The following CCDC174 variants were observed in gnomAD, a reference collection of about 807,000 sequenced individuals.
CCDC174 encodes coiled-coil domain containing 174.
CCDC174 carries 37 observed loss-of-function variants against 57.1 expected under a neutral mutation model. That is an observed-to-expected ratio of 0.65 (90% confidence interval 0.50 to 0.85). CCDC174 has a LOEUF of 0.85. Ranked by LOEUF, CCDC174 falls within the 40% of genes least tolerant of loss-of-function variation. The pLI is 0.00. For missense variants in CCDC174, 540 were observed against 574.3 expected (o/e 0.94, Z 0.61); for synonymous variants, 182 against 190.2 (o/e 0.96, Z 0.35).
chr3:14,665,273 T>C, intron 6 of CCDC174, 150 bp downstream of exon 6: 1 of 649,384 alleles, frequency 1.5e-6, no homozygotes, highest in South Asian at 1.8e-5. Flanking sequence ...AAGCACTTTT[T>C]AGTGGTTAGC....
At chr3:14,666,459 C>T (rs1319242544) in intron 6 of CCDC174, among the ~76,000 whole-genome samples, 1 of 151,978 alleles carries the variant, frequency 6.6e-6, no homozygotes, top group African/African-American at 2.4e-5. Context: ...CCTGTCTCTA[C>T]TAAAAATACA....
In CCDC174 at chr3:14,657,625, C is replaced by T. The variant is rs188378554; in HGVS notation, c.249-1246C>T. Among the ~76,000 whole-genome samples, 204 of 152,326 alleles carry T rather than the reference C, an allele frequency of 1.3e-3. 2 individuals carry two copies. The highest frequency in any genetic ancestry group is 3.4e-3 in the Middle Eastern group (1 of 294). On this transcript the variant is annotated intron_variant, in intron 3 of 10. Transcript: ENST00000383794. The stretch of plus-strand genomic sequence containing the variant: ...TGCTACACTGCACCAAGTTTCATAT[C>T]CTTTCTCACGTGCTCTCATCCCTGC...
chr3:14,661,187 C>T (rs941832072), intron 4 of CCDC174, among the ~76,000 whole-genome samples: 3 of 152,198 alleles, frequency 2.0e-5, no homozygotes, highest in Non-Finnish European at 4.4e-5. Context: ...TCTGATGACA[C>T]GGAAAATGCA....
rs2276754 is a variant in CCDC174 at position 14,661,475 on chromosome 3, C to A, written c.308-55C>A. 0.89 allele frequency: 1,324,476 copies of A among 1,492,360 alleles called. 590,471 individuals carry two copies. The highest frequency in any genetic ancestry group is 0.92 in the Middle Eastern group (5,238 of 5,698). The allele number at this position is 1,492,360 out of a possible 1,614,324, so 92.4% of individuals were successfully genotyped here. On this transcript the variant is annotated intron_variant, in intron 4 of 10. Coordinates refer to ENST00000383794, the MANE Select transcript of CCDC174 (RefSeq NM_016474.5). ...GCAATGAATGTGACTGCTTCTTGTC[C>A]ATTCCATGTGTGATTTTCCTTTTTG...
chr3:14,655,586 G>A lies in CCDC174; in HGVS notation c.205G>A (p.Ala69Thr), dbSNP rs747368104. 5.0e-6 allele frequency: 8 copies of A among 1,610,268 alleles called. No homozygotes were observed. The highest frequency in any genetic ancestry group is 6.8e-6 in the Non-Finnish European group (8 of 1,177,940). Residue 69 changes from alanine (A) to threonine (T), a missense_variant, in exon 3 of 11, where the codon GCT (alanine) becomes ACT (threonine). Coordinates refer to ENST00000383794, the MANE Select transcript of CCDC174 (RefSeq NM_016474.5). ...VGVSNRAEKD[A>T]EQKIEEQKTL... ...CGTTTCAAATCGAGCTGAGAAGGAT[G>A]CTGAACAGAAGATTGAAGAACAGAA...
intron 6 of CCDC174, among the ~76,000 whole-genome samples, chr3:14,666,588 A>C (rs1299033701): frequency 1.3e-5 from 2 of 151,534 alleles, no homozygotes; most frequent in East Asian, 3.9e-4. Flanking sequence ...GTGCCACTGC[A>C]CTCCAGCCTG....
chr3:14,666,487 G>T (rs187665667), intron 6 of CCDC174, among the ~76,000 whole-genome samples: 163 of 152,246 alleles, frequency 1.1e-3, no homozygotes, highest in African/African-American at 3.8e-3. Flanking sequence ...GCCAGATGTG[G>T]TGGTGGGTGC....
rs371721837 is a variant in CCDC174, at chr3:14,652,614, A to T, written c.42+736A>T. Among the ~76,000 whole-genome samples the T allele has an allele frequency of 1.3e-4, 20 of 152,292 alleles. No individual in the cohort carries two copies. In the East Asian group the frequency reaches 2.7e-3, roughly 21 times the overall value. On this transcript the variant is annotated intron_variant, in intron 1 of 10. Coordinates refer to ENST00000383794, the MANE Select transcript of CCDC174 (RefSeq NM_016474.5). The stretch of plus-strand genomic sequence containing the variant: ...TCCCCAGCTTACAGACAGAAATCTT[A>T]GTGATAGCCGGGCGCGGTGACTCAC...
At chr3:14,670,160 G>A (rs1177566209) in intron 10 of CCDC174, 74 bp downstream of exon 10, 1 of 1,479,206 alleles carries the variant, frequency 6.8e-7, no homozygotes, top group Non-Finnish European at 9.1e-7. Context: ...GAAGCACTTG[G>A]GGTAAGTTTT....
At chr3:14,651,925 T>C in intron 1 of CCDC174, 47 bp downstream of exon 1, 1 of 1,584,322 alleles carries the variant, frequency 6.3e-7, no homozygotes, top group Non-Finnish European at 8.7e-7. Context: ...GTTCACCGTG[T>C]CTCCATCAGA....
chr3:14,662,735 T>C (rs541636205), intron 5 of CCDC174, among the ~76,000 whole-genome samples: 3 of 152,300 alleles, frequency 2.0e-5, no homozygotes, highest in Admixed American at 2.0e-4. Flanking sequence ...CTCAGGACTC[T>C]TTGTAGCAGG....
intron 9 of CCDC174, 71 bp downstream of exon 9, chr3:14,668,252 C>A: frequency 7.1e-7 from 1 of 1,413,772 alleles, no homozygotes; most frequent in Non-Finnish European, 9.6e-7. Flanking sequence ...GCTAATAGGG[C>A]TGGCAATGTG....
intron 8 of CCDC174, 57 bp downstream of exon 8, chr3:14,667,575 G>A: frequency 7.8e-7 from 1 of 1,279,262 alleles, no homozygotes; most frequent in African/African-American, 1.5e-5. Flanking sequence ...GTTTCTTGCT[G>A]GACCATACTG....
chr3:14,652,832 G>A (rs565078104), intron 1 of CCDC174, among the ~76,000 whole-genome samples: 1 of 150,186 alleles, frequency 6.7e-6, no homozygotes, highest in East Asian at 2.0e-4. Context: ...AACCGGGGAG[G>A]CGGAGGTTGC....
chr3:14,658,541 G>T (rs1191962413), intron 3 of CCDC174, among the ~76,000 whole-genome samples: 2 of 152,236 alleles, frequency 1.3e-5, no homozygotes, highest in Non-Finnish European at 2.9e-5. Context: ...TAAGTTGTTG[G>T]ATTCTTAAGT....
intron 1 of CCDC174, 118 bp downstream of exon 1, chr3:14,651,996 C>A: frequency 2.1e-6 from 2 of 964,730 alleles, no homozygotes; most frequent in Non-Finnish European, 3.2e-6. Context: ...CCTCTCCCCT[C>A]AAACAGGAAC....
chr3:14,664,031 T>G (rs1000595741), intron 5 of CCDC174, among the ~76,000 whole-genome samples: 7 of 151,392 alleles, frequency 4.6e-5, no homozygotes, highest in African/African-American at 1.7e-4. Context: ...CTAGATGGTT[T>G]TCTTCCCCCA....
chr3:14,659,712 A>T (rs1257850236), intron 4 of CCDC174, among the ~76,000 whole-genome samples: 2 of 152,108 alleles, frequency 1.3e-5, no homozygotes, highest in Non-Finnish European at 2.9e-5. Flanking sequence ...AAAAAAAAAC[A>T]AAAAACTCCC....
chr3:14,668,256 C>T, intron 9 of CCDC174, 75 bp downstream of exon 9: 1 of 1,394,690 alleles, frequency 7.2e-7, no homozygotes. Context: ...ATAGGGCTGG[C>T]AATGTGAAAA....
Sources: gnomAD v4.1 joint callset for allele counts (sites outside exome capture counted in the v4.1 genomes callset) on GRCh38, gnomAD v4.1.1 for gene constraint, MANE v1.5 for transcripts, NCBI Gene and HGNC (gene_info 2026-07-23, HGNC 2026-07-21) for gene names.